The following SGSM1 variants were observed in gnomAD, a reference collection of about 807,000 sequenced individuals.
The protein encoded by SGSM1 is small G protein signaling modulator 1.
Under a neutral mutation model 133.8 loss-of-function variants are expected in SGSM1, and 73 were observed. The ratio of observed to expected loss-of-function variants is 0.55; its 90% CI spans 0.45 to 0.66. The LOEUF is 0.66. Among genes scored for constraint, SGSM1 ranks in the 30% least tolerant of loss-of-function variants. SGSM1 has a pLI of 0.00. For missense variants in SGSM1, 1,213 were observed against 1,448.1 expected (o/e 0.84, Z 2.64); for synonymous variants, 563 against 573.0 (o/e 0.98, Z 0.25).
At chr22:24,820,010 G>A (rs1422004730) in intron 2 of SGSM1, among the ~76,000 whole-genome samples, 1 of 152,080 alleles carries the variant, frequency 6.6e-6, no homozygotes, top group African/African-American at 2.4e-5. Context: ...CTGTGGAGAT[G>A]GGGGTGCTGC....
At chr22:24,846,764 T>A in intron 3 of SGSM1, among the ~76,000 whole-genome samples, 1 of 152,136 alleles carries the variant, frequency 6.6e-6, no homozygotes, top group East Asian at 1.9e-4. Flanking sequence ...AATTAAGATA[T>A]CTAAGAGATC....
At chr22:24,919,428 G>A (rs559661618) in intron 23 of SGSM1, among the ~76,000 whole-genome samples, 1 of 152,118 alleles carries the variant, frequency 6.6e-6, no homozygotes, top group Non-Finnish European at 1.5e-5. Context: ...CCAGTGTGTG[G>A]GGGGAAAGAA....
At chr22:24,841,782 A>G (rs1341371517) in intron 2 of SGSM1, among the ~76,000 whole-genome samples, 1 of 152,084 alleles carries the variant, frequency 6.6e-6, no homozygotes. Flanking sequence ...TTTGTTTTTG[A>G]GATGGAATCT....
rs116069088 is a variant in SGSM1 at position 24,810,311 on chromosome 22, G to A, written c.63+3827G>A. Among the ~76,000 whole-genome samples, 318 of 151,692 alleles carry A rather than the reference G, an allele frequency of 2.1e-3. 2 individuals carry two copies. Among genetic ancestry groups the A allele is most frequent in the African/African-American group, 7.0e-3 (290 of 41,338 alleles). On this transcript the variant is annotated intron_variant, in intron 2 of 24. Coordinates refer to ENST00000400358, the MANE Select transcript of SGSM1 (RefSeq NM_001098497.3). Reference sequence around the variant, plus strand: ...TAAACCCTGCGAGAACACCCACCACGTTAGCCTGAGCTCCTCCAGGGCAAG... The same window carrying A: ...TAAACCCTGCGAGAACACCCACCACATTAGCCTGAGCTCCTCCAGGGCAAG...
At position 24,888,941 on chromosome 22, in the gene SGSM1, T is replaced by TTA. The variant is rs1932753671; in HGVS notation, c.1770+2214_1770+2215insAT. Among the ~76,000 whole-genome samples, 3 of 87,094 alleles carry TTA rather than the reference T, an allele frequency of 3.4e-5. 1 individual carries two copies. The highest frequency in any genetic ancestry group is 6.3e-5 in the Non-Finnish European group (3 of 47,436). The allele number at this position is 87,094 out of a possible 152,430, so 57.1% of individuals were successfully genotyped here. A position where few individuals can be genotyped will look rare whatever the true frequency, so the allele number is the denominator to read the frequency against. On this transcript the variant is annotated intron_variant, in intron 16 of 24. Coordinates refer to ENST00000400358, the MANE Select transcript of SGSM1 (RefSeq NM_001098497.3). The stretch of plus-strand genomic sequence containing the variant: ...TTTTAAATGTTTTCATAGTCACCTT[T>TTA]TTTTTTTTTTTTTTTTTTTTTTGAG...
In SGSM1 at chr22:24,886,738, C is replaced by A. The variant is rs1156782601; in HGVS notation, c.1770+10C>A. 6.3e-7 allele frequency: 1 copy of A among 1,577,954 alleles called. No homozygotes were observed. Among genetic ancestry groups the A allele is most frequent in the Non-Finnish European group, 8.6e-7 (1 of 1,160,988 alleles). ...AACAGAAAGGAAAGAGGTCGGTTAC[C>A]TGCCATGGGCACTGGGATCTTTGGC... is the stretch of plus-strand genomic sequence containing the variant. On this transcript the variant is annotated intron_variant, in intron 16 of 24. Transcript: ENST00000400358.
intron 8 of SGSM1, chr22:24,856,019 A>G (rs1930765605): frequency 2.3e-6 from 1 of 430,810 alleles, no homozygotes; most frequent in Non-Finnish European, 4.5e-6. Context: ...ACATCTATCC[A>G]TCCATCCATC....
intron 22 of SGSM1, among the ~76,000 whole-genome samples, chr22:24,914,762 G>A (rs1933763094): frequency 6.6e-6 from 1 of 152,094 alleles, no homozygotes; most frequent in African/African-American, 2.4e-5. Flanking sequence ...CGTCAACCAC[G>A]GGGCAGTTGA....
At chr22:24,923,340 A>C (rs182396284) in intron 24 of SGSM1, among the ~76,000 whole-genome samples, 1 of 145,956 alleles carries the variant, frequency 6.9e-6, no homozygotes, top group Non-Finnish European at 1.5e-5. Flanking sequence ...ACCATGTCTT[A>C]GTTTTAGTGT....
At chr22:24,814,663 G>A (rs918114192) in intron 2 of SGSM1, among the ~76,000 whole-genome samples, 1 of 152,224 alleles carries the variant, frequency 6.6e-6, no homozygotes, top group African/African-American at 2.4e-5. Flanking sequence ...TTGGGAGTAA[G>A]ATGGACTCAG....
At chr22:24,912,068 A>G (rs1267084843) in intron 21 of SGSM1, among the ~76,000 whole-genome samples, 2 of 62,180 alleles carry the variant, frequency 3.2e-5, no homozygotes, top group South Asian at 5.4e-4. Flanking sequence ...AAAAAAGGAA[A>G]AAAAAAAAAA....
At chr22:24,836,313 A>G (rs1929424628) in intron 2 of SGSM1, among the ~76,000 whole-genome samples, 1 of 152,216 alleles carries the variant, frequency 6.6e-6, no homozygotes, top group African/African-American at 2.4e-5. Flanking sequence ...ATAGTATTCC[A>G]TTGTGTGTGT....
intron 13 of SGSM1, 90 bp from the exon 14 acceptor site, chr22:24,879,372 C>T: frequency 8.1e-7 from 1 of 1,229,904 alleles, no homozygotes. Flanking sequence ...ATTAATCTGC[C>T]CTCTAGAGAT....
At chr22:24,821,097 C>T (rs979904156) in intron 2 of SGSM1, among the ~76,000 whole-genome samples, 1 of 152,170 alleles carries the variant, frequency 6.6e-6, no homozygotes, top group Non-Finnish European at 1.5e-5. Context: ...AGCGCAATGG[C>T]GTGATCTCGA....
chr22:24,817,263 G>A (rs1928149510), intron 2 of SGSM1, among the ~76,000 whole-genome samples: 1 of 152,196 alleles, frequency 6.6e-6, no homozygotes, highest in Non-Finnish European at 1.5e-5. Context: ...ACTGGATCAA[G>A]GATTTCTATT....
chr22:24,886,665 G>C lies in SGSM1; in HGVS notation c.1707G>C (p.Lys569Asn). ...YYGGIQPEIR[K>N]AVWPFLLGHY... The stretch of plus-strand genomic sequence containing the variant: ...GGGGCATCCAGCCTGAGATCCGCAA[G>C]GCCGTGTGGCCCTTCCTCCTGGGCC... Residue 569 changes from lysine to asparagine, a missense_variant, in exon 16 of 25, where the codon AAG (lysine) becomes AAC (asparagine). Transcript: ENST00000400358. The C allele has an allele frequency of 1.9e-6, 3 of 1,566,902 alleles. No homozygotes were observed. Among genetic ancestry groups the C allele is most frequent in the Non-Finnish European group, 2.6e-6 (3 of 1,156,174 alleles).
At chr22:24,893,055 A>G (rs1932841463) in intron 16 of SGSM1, among the ~76,000 whole-genome samples, 1 of 151,026 alleles carries the variant, frequency 6.6e-6, no homozygotes, top group African/African-American at 2.4e-5. Context: ...CTCTGTCAAG[A>G]AAGAAAGGAA....
intron 23 of SGSM1, among the ~76,000 whole-genome samples, chr22:24,918,593 C>A (rs1231658093): frequency 6.6e-6 from 1 of 151,982 alleles, no homozygotes; most frequent in Non-Finnish European, 1.5e-5. Context: ...TTTCTGTTAT[C>A]AGCTTCAGCC....
At chr22:24,898,727 C>T (rs1026445961) in intron 19 of SGSM1, among the ~76,000 whole-genome samples, 168 bp downstream of exon 19, 1 of 151,830 alleles carries the variant, frequency 6.6e-6, no homozygotes, top group Admixed American at 6.6e-5. Flanking sequence ...GAGAAGATAA[C>T]GTAGCATTTA....
Sources: allele counts gnomAD v4.1 joint callset (sites outside exome capture counted in the v4.1 genomes callset), GRCh38; gene constraint gnomAD v4.1.1; transcripts MANE v1.5; gene names NCBI Gene and HGNC (gene_info 2026-07-23, HGNC 2026-07-21).